Variants in FLI1 observed in about 807,000 individuals in gnomAD.
FLI1 encodes the protein Fli-1 proto-oncogene, ETS transcription factor.
Under a neutral mutation model 53.1 loss-of-function variants are expected in FLI1, and 13 were observed. The observed-to-expected ratio is 0.24, with a 90% confidence interval of 0.16 to 0.39. FLI1 has a LOEUF of 0.39. Among genes scored for constraint, FLI1 ranks in the 10% least tolerant of loss-of-function variants. The probability of loss-of-function intolerance (pLI) is 1.00; values close to 1 mark genes in which losing one functional copy is unlikely to be tolerated. For missense variants in FLI1, 424 were observed against 600.5 expected (o/e 0.71, Z 3.07); for synonymous variants, 244 against 236.7 (o/e 1.03, Z -0.28).
intron 2 of FLI1, chr11:128,764,883 G>A (rs1941271668): frequency 5.2e-6 from 8 of 1,543,266 alleles, no homozygotes; most frequent in Non-Finnish European, 6.1e-6. Context: ...GCAAGTGTGG[G>A]GAACCAGGAT....
chr11:128,736,216 G>A (rs1175301503), intron 1 of FLI1, among the ~76,000 whole-genome samples: 2 of 125,592 alleles, frequency 1.6e-5, no homozygotes, highest in African/African-American at 3.1e-5. Context: ...TTTCCTTTCC[G>A]AAGAGCTGTA....
intron 1 of FLI1, among the ~76,000 whole-genome samples, chr11:128,694,779 C>A (rs937458169): frequency 1.3e-5 from 2 of 152,152 alleles, no homozygotes; most frequent in African/African-American, 2.4e-5. Context: ...CCTCGTTGCA[C>A]GAGGGTAGGG....
At chr11:128,747,431 T>G (rs925583440) in intron 1 of FLI1, among the ~76,000 whole-genome samples, 1 of 152,216 alleles carries the variant, frequency 6.6e-6, no homozygotes, top group Non-Finnish European at 1.5e-5. Flanking sequence ...GGTTCTCCCA[T>G]GCCATGTGGG....
Position 128,758,322 on chromosome 11 carries a change from T to A in FLI1, c.226T>A (p.Ser76Thr). ...GCGGGAGTATGACCACATGAATGGATCCAGGTAAGCTCACCAGGCCTGTGC... is the reference window on the plus strand; with the variant it reads ...GCGGGAGTATGACCACATGAATGGAACCAGGTAAGCTCACCAGGCCTGTGC... ...VKREYDHMNGSRESPVDCSVS... is the reference protein window; with the variant it reads ...VKREYDHMNGTRESPVDCSVS... The change falls in exon 2 of 9, where the codon TCC becomes ACC. Residue 76 changes from serine to threonine, a missense_variant. Around this residue, in one of 5 missense-constraint regions of FLI1, gnomAD observed 137 missense variants for 169.1 expected, o/e 0.81. Coordinates refer to ENST00000527786, the MANE Select transcript of FLI1 (RefSeq NM_002017.5). 6.2e-7 allele frequency: 1 copy of A among 1,612,446 alleles called. No individual in the cohort carries two copies. Among genetic ancestry groups the A allele is most frequent in the Non-Finnish European group, 8.5e-7 (1 of 1,179,110 alleles).
At chr11:128,789,276 GTAGAACC>G in intron 5 of FLI1, among the ~76,000 whole-genome samples, 1 of 152,194 alleles carries the variant, frequency 6.6e-6, no homozygotes, top group Non-Finnish European at 1.5e-5. Context: ...ACACCCTGGG[GTAGAACC>G]TGTGCACCAT....
At chr11:128,800,444 C>T (rs73575614) in intron 5 of FLI1, among the ~76,000 whole-genome samples, 3,620 of 152,230 alleles carry the variant, frequency 0.024, 145 homozygotes, top group African/African-American at 0.082. Flanking sequence ...CGCTGCATGC[C>T]GGCAGGGACG....
chr11:128,703,040 T>C (rs1438514448), intron 1 of FLI1, among the ~76,000 whole-genome samples: 4 of 152,166 alleles, frequency 2.6e-5, no homozygotes, highest in African/African-American at 4.8e-5. Flanking sequence ...ATGCTATGAA[T>C]AGACAACACT....
chr11:128,688,063 C>T (rs953668618), intron 1 of FLI1, among the ~76,000 whole-genome samples: 5 of 152,126 alleles, frequency 3.3e-5, no homozygotes, highest in African/African-American at 1.2e-4. Flanking sequence ...CTCGGAGTAC[C>T]CGAGCCCGGC....
At chr11:128,686,512 G>T (rs1463185487), upstream of FLI1, 3 of 456,600 alleles carry the variant, frequency 6.6e-6, no homozygotes, top group East Asian at 1.4e-4. Context: ...CGGACTAGGC[G>T]GATCTGAGCT....
intron 2 of FLI1, among the ~76,000 whole-genome samples, chr11:128,763,615 C>T (rs1941212307): frequency 6.6e-6 from 1 of 152,202 alleles, no homozygotes; most frequent in South Asian, 2.1e-4. Context: ...GCCCTGGACA[C>T]CTAGGGACTC....
At chr11:128,776,770 C>T (rs1008036862) in intron 4 of FLI1, among the ~76,000 whole-genome samples, 13 of 152,184 alleles carry the variant, frequency 8.5e-5, no homozygotes, top group African/African-American at 3.1e-4. Context: ...CGATTGAGAG[C>T]ACCTGGCATC....
chr11:128,728,382 G>A (rs560829179), intron 1 of FLI1, among the ~76,000 whole-genome samples: 124 of 152,382 alleles, frequency 8.1e-4, no homozygotes, highest in African/African-American at 2.8e-3. Flanking sequence ...CCTTTGCTGC[G>A]CAATGAGGGT....
At chr11:128,729,503 G>A (rs1366798942) in intron 1 of FLI1, among the ~76,000 whole-genome samples, 1 of 152,196 alleles carries the variant, frequency 6.6e-6, no homozygotes, top group Non-Finnish European at 1.5e-5. Flanking sequence ...TTAAAGAGGT[G>A]GGAAAAGAAA....
At chr11:128,798,734 G>A (rs1942521532) in intron 5 of FLI1, among the ~76,000 whole-genome samples, 1 of 152,194 alleles carries the variant, frequency 6.6e-6, no homozygotes, top group Non-Finnish European at 1.5e-5. Flanking sequence ...CTCCTCTGTT[G>A]CTCTTTGGGA....
intron 3 of FLI1, 92 bp downstream of exon 3, chr11:128,768,364 C>T (rs1332112261): frequency 2.7e-6 from 4 of 1,506,590 alleles, no homozygotes; most frequent in Admixed American, 3.4e-5. Flanking sequence ...ATACTCTATT[C>T]CCTGTGGAAT....
intron 4 of FLI1, among the ~76,000 whole-genome samples, chr11:128,780,550 G>A (rs768707475): frequency 5.3e-5 from 8 of 152,196 alleles, no homozygotes; most frequent in Non-Finnish European, 1.0e-4. Flanking sequence ...AACTGAGATC[G>A]CGCCATTGCA....
At chr11:128,725,389 C>G (rs2135743257) in intron 1 of FLI1, among the ~76,000 whole-genome samples, 1 of 152,318 alleles carries the variant, frequency 6.6e-6, no homozygotes, top group East Asian at 1.9e-4. Flanking sequence ...CCGGCCGGTC[C>G]ACTTCAGATC....
At chr11:128,753,971 C>T (rs1940755794) in intron 1 of FLI1, among the ~76,000 whole-genome samples, 1 of 152,220 alleles carries the variant, frequency 6.6e-6, no homozygotes, top group Non-Finnish European at 1.5e-5. Flanking sequence ...AGAATGCTCT[C>T]CTCCCCAACT....
chr11:128,685,502 C>CT (rs1312325533), upstream of FLI1, among the ~76,000 whole-genome samples: 10 of 151,776 alleles, frequency 6.6e-5, no homozygotes, highest in Non-Finnish European at 1.5e-4. Flanking sequence ...CTCCGGCTTT[C>CT]TTTTTTCTCC....
Sources: gnomAD v4.1 joint callset for allele counts (sites outside exome capture counted in the v4.1 genomes callset) on GRCh38, gnomAD v4.1.1 for gene constraint, gnomAD v4.1.1 regional missense constraint, MANE v1.5 for transcripts, NCBI Gene and HGNC (gene_info 2026-07-23, HGNC 2026-07-21) for gene names.